The following ARHGAP15 variants were observed in gnomAD, a reference collection of about 807,000 sequenced individuals.
The protein encoded by ARHGAP15 is rho GTPase-activating protein 15.
In ARHGAP15, 51 loss-of-function variants were observed where a neutral mutation model predicts 63.7. The observed-to-expected ratio is 0.80, with a 90% confidence interval of 0.64 to 1.01. ARHGAP15 has a LOEUF of 1.01. ARHGAP15 is among the 50% of genes least tolerant of loss of function. The probability of loss-of-function intolerance (pLI) is 0.00; values close to 1 mark genes in which losing one functional copy is unlikely to be tolerated. For synonymous variants in ARHGAP15, 191 were observed against 193.8 expected, an observed-to-expected ratio of 0.99 and a Z score of 0.12; for missense variants, 560 against 564.6, an observed-to-expected ratio of 0.99 and a Z score of 0.08.
chr2:143,672,848 C>T (rs1450597567), intron 12 of ARHGAP15, among the ~76,000 whole-genome samples: 1 of 152,144 alleles, frequency 6.6e-6, no homozygotes, highest in Non-Finnish European at 1.5e-5. Context: ...GTTACTGAGA[C>T]ACAACAATTT....
intron 11 of ARHGAP15, among the ~76,000 whole-genome samples, chr2:143,597,466 C>A (rs1697567384): frequency 6.6e-6 from 1 of 151,972 alleles, no homozygotes; most frequent in Admixed American, 6.6e-5. Flanking sequence ...TCATGAGAAC[C>A]ATTTAGTCCA....
intron 8 of ARHGAP15, chr2:143,480,791 G>A (rs1271531565): frequency 6.6e-6 from 1 of 152,234 alleles, no homozygotes; most frequent in African/African-American, 2.4e-5. Context: ...TGAAACCACA[G>A]GCGGGGGAAG....
At chr2:143,231,274 A>G (rs7581236) in intron 5 of ARHGAP15, among the ~76,000 whole-genome samples, 26,539 of 151,942 alleles carry the variant, frequency 0.17, 2,540 homozygotes, top group Middle Eastern at 0.25. Context: ...CAGAAATATA[A>G]CATATTCTAT....
intron 6 of ARHGAP15, among the ~76,000 whole-genome samples, chr2:143,259,051 C>A (rs530154609): frequency 9.9e-5 from 15 of 151,598 alleles, no homozygotes; most frequent in African/African-American, 3.6e-4. Flanking sequence ...GAATTTTAAG[C>A]AATGCTTCAT....
chr2:143,534,274 C>A (rs1435674838), intron 10 of ARHGAP15, among the ~76,000 whole-genome samples: 1 of 152,190 alleles, frequency 6.6e-6, no homozygotes, highest in Non-Finnish European at 1.5e-5. Flanking sequence ...TCGCCTTCCA[C>A]CCTTACTGTA....
chr2:143,514,712 T>C, intron 9 of ARHGAP15, among the ~76,000 whole-genome samples: 1 of 152,212 alleles, frequency 6.6e-6, no homozygotes, highest in Non-Finnish European at 1.5e-5. Context: ...GCCACTCTGC[T>C]TTAAGCTGCA....
chr2:143,699,366 A>G (rs1274660108), intron 12 of ARHGAP15, among the ~76,000 whole-genome samples: 1 of 152,198 alleles, frequency 6.6e-6, no homozygotes, highest in African/African-American at 2.4e-5. Flanking sequence ...GCCATGGTAC[A>G]CTTCCCCATT....
intron 13 of ARHGAP15, among the ~76,000 whole-genome samples, chr2:143,767,711 T>C (rs1028505543): frequency 2.0e-5 from 3 of 152,124 alleles, no homozygotes; most frequent in Admixed American, 2.0e-4. Context: ...TTCACAGTCA[T>C]TTTTGCTGTT....
chr2:143,620,439 T>C (rs1698606396), intron 11 of ARHGAP15, among the ~76,000 whole-genome samples: 1 of 152,200 alleles, frequency 6.6e-6, no homozygotes, highest in Admixed American at 6.5e-5. Context: ...TTACCAAAGA[T>C]GAGAGTCAGT....
chr2:143,487,268 T>G (rs1032052530), intron 8 of ARHGAP15, 105 bp from the exon 9 acceptor site: 1 of 1,293,418 alleles, frequency 7.7e-7, no homozygotes, highest in African/African-American at 1.5e-5. Context: ...GAGCTATTAA[T>G]TCAGGTAGTT....
At chr2:143,659,887 G>C (rs1405170082) in intron 12 of ARHGAP15, among the ~76,000 whole-genome samples, 2 of 143,712 alleles carry the variant, frequency 1.4e-5, no homozygotes, top group African/African-American at 2.5e-5. Context: ...TTTTTATCTT[G>C]GAGTTTTTTT....
At chr2:143,298,732 T>C (rs1558874841) in intron 6 of ARHGAP15, among the ~76,000 whole-genome samples, 1 of 151,936 alleles carries the variant, frequency 6.6e-6, no homozygotes, top group East Asian at 1.9e-4. Flanking sequence ...TGGATCTCAA[T>C]ATTTGGGAAG....
intron 6 of ARHGAP15, among the ~76,000 whole-genome samples, chr2:143,300,190 G>T (rs562988778): frequency 1.3e-5 from 2 of 152,142 alleles, no homozygotes; most frequent in East Asian, 3.9e-4. Context: ...GACCAGGTCT[G>T]TTGGTACCAG....
intron 9 of ARHGAP15, among the ~76,000 whole-genome samples, chr2:143,518,480 A>G (rs995494262): frequency 4.6e-5 from 7 of 152,214 alleles, no homozygotes; most frequent in African/African-American, 1.7e-4. Context: ...TGCATCCTTC[A>G]CCCCTCATGG....
At chr2:143,461,455 C>A (rs541326324) in intron 8 of ARHGAP15, among the ~76,000 whole-genome samples, 12 of 152,180 alleles carry the variant, frequency 7.9e-5, no homozygotes, top group African/African-American at 2.9e-4. Flanking sequence ...TTAGTGCTAA[C>A]TTTAGGGAGC....
At chr2:143,185,705 T>C (rs1691419918) in intron 2 of ARHGAP15, among the ~76,000 whole-genome samples, 1 of 152,232 alleles carries the variant, frequency 6.6e-6, no homozygotes, top group Non-Finnish European at 1.5e-5. Context: ...AGGAAATCTA[T>C]TTATTCTTTG....
chr2:143,212,025 T>G (rs1272752232), intron 3 of ARHGAP15, among the ~76,000 whole-genome samples: 1 of 152,206 alleles, frequency 6.6e-6, no homozygotes, highest in Non-Finnish European at 1.5e-5. Context: ...GCAGATTAAG[T>G]TTATTTCCAT....
At chr2:143,483,831 G>A (rs1692188261) in intron 8 of ARHGAP15, among the ~76,000 whole-genome samples, 1 of 152,188 alleles carries the variant, frequency 6.6e-6, no homozygotes. Flanking sequence ...GGTTCTCAGG[G>A]CACTTGATAT....
chr2:143,304,214 T>A (rs977527474), intron 6 of ARHGAP15, among the ~76,000 whole-genome samples: 5 of 152,058 alleles, frequency 3.3e-5, no homozygotes, highest in South Asian at 2.1e-4. Context: ...CAAATGTCCA[T>A]CAATGATAGA....
Sources: allele counts gnomAD v4.1 joint callset (sites outside exome capture counted in the v4.1 genomes callset), GRCh38; gene constraint gnomAD v4.1.1; transcripts MANE v1.5; gene names NCBI Gene and HGNC (gene_info 2026-07-23, HGNC 2026-07-21).